FHIT: variants seen among roughly 807,000 people sequenced by gnomAD.
FHIT encodes bis(5'-adenosyl)-triphosphatase.
FHIT carries 19 observed loss-of-function variants against 17.9 expected under a neutral mutation model. The observed-to-expected ratio is 1.06, with a 90% confidence interval of 0.74 to 1.56. The LOEUF is 1.56. FHIT is among the 40% of genes most tolerant of loss of function. The probability of loss-of-function intolerance (pLI) is 0.00; values close to 1 mark genes in which losing one functional copy is unlikely to be tolerated. For synonymous variants in FHIT, 81 were observed against 69.7 expected (o/e 1.16, Z -0.81); for missense variants, 248 against 189.2 (o/e 1.31, Z -1.82).
intron 5 of FHIT, among the ~76,000 whole-genome samples, chr3:60,511,374 G>A (rs749289683): frequency 3.3e-5 from 5 of 152,090 alleles, no homozygotes; most frequent in East Asian, 3.9e-4. Context: ...GACAAACATC[G>A]CTTTATGTGT....
chr3:59,834,552 G>T (rs1206980513), intron 8 of FHIT, among the ~76,000 whole-genome samples: 2 of 152,122 alleles, frequency 1.3e-5, no homozygotes, highest in African/African-American at 4.8e-5. Context: ...TGCTAGTATG[G>T]TCAGTTCCTG....
At chr3:59,802,465 C>A (rs1363594155) in intron 8 of FHIT, among the ~76,000 whole-genome samples, 1 of 152,170 alleles carries the variant, frequency 6.6e-6, no homozygotes, top group African/African-American at 2.4e-5. Flanking sequence ...CCTGTTCCTG[C>A]CTTAACTGAT....
chr3:60,279,137 C>G (rs1707306848), intron 5 of FHIT, among the ~76,000 whole-genome samples: 1 of 152,008 alleles, frequency 6.6e-6, no homozygotes, highest in East Asian at 1.9e-4. Flanking sequence ...TGCTAAACCT[C>G]TAGTCAGGCT....
At chr3:60,794,605 TAA>T (rs1330386387) in intron 4 of FHIT, among the ~76,000 whole-genome samples, 1 of 152,220 alleles carries the variant, frequency 6.6e-6, no homozygotes, top group Non-Finnish European at 1.5e-5. Context: ...GGATAGTAGT[TAA>T]GAGTATATTA....
chr3:60,041,060 T>C (rs1701418211), intron 5 of FHIT, among the ~76,000 whole-genome samples: 1 of 151,840 alleles, frequency 6.6e-6, no homozygotes, highest in Non-Finnish European at 1.5e-5. Flanking sequence ...CTTTTCTCAA[T>C]AAAAAAAAGC....
chr3:61,007,139 G>C (rs1238599964), intron 3 of FHIT, among the ~76,000 whole-genome samples: 1 of 152,156 alleles, frequency 6.6e-6, no homozygotes, highest in African/African-American at 2.4e-5. Flanking sequence ...AAATGTTGTT[G>C]TTTTGTATTT....
chr3:59,942,693 G>T (rs1474066290), intron 7 of FHIT, among the ~76,000 whole-genome samples: 3 of 152,078 alleles, frequency 2.0e-5, no homozygotes, highest in Non-Finnish European at 4.4e-5. Context: ...CTGTTGCCCA[G>T]GCTGGAGTGC....
chr3:61,244,796 A>G (rs2040451245), intron 1 of FHIT, among the ~76,000 whole-genome samples: 1 of 152,188 alleles, frequency 6.6e-6, no homozygotes. Context: ...TCATACTTCT[A>G]CACAACTATG....
intron 5 of FHIT, among the ~76,000 whole-genome samples, chr3:60,185,785 T>C (rs1702134130): frequency 6.6e-6 from 1 of 152,160 alleles, no homozygotes; most frequent in South Asian, 2.1e-4. Flanking sequence ...ATTAATGGTA[T>C]TGTCAGTTTT....
intron 4 of FHIT, among the ~76,000 whole-genome samples, chr3:60,773,762 C>A (rs988467714): frequency 2.0e-4 from 31 of 152,360 alleles, no homozygotes; most frequent in African/African-American, 6.3e-4. Context: ...ATTACAGTTT[C>A]CCAGACTATA....
intron 5 of FHIT, among the ~76,000 whole-genome samples, chr3:60,124,041 G>GAGAGAGACAGAGAGAGAGAGAGAC (rs1553691004): frequency 1.7e-4 from 8 of 47,670 alleles, no homozygotes; most frequent in East Asian, 3.7e-4. Flanking sequence ...GAGAGAGAGA[G>GAGAGAGACAGAGAGAGAGAGAGAC]AGAGAGAGAG....
chr3:60,285,345 T>C (rs1222839093), intron 5 of FHIT, among the ~76,000 whole-genome samples: 1 of 152,164 alleles, frequency 6.6e-6, no homozygotes, highest in Admixed American at 6.6e-5. Context: ...AAAATAGGTT[T>C]ATGCCCCATG....
At chr3:59,872,715 AC>A (rs1306850180) in intron 8 of FHIT, among the ~76,000 whole-genome samples, 3 of 152,166 alleles carry the variant, frequency 2.0e-5, no homozygotes, top group African/African-American at 7.2e-5. Context: ...TCAGCAGATA[AC>A]CCTTTATCCT....
intron 3 of FHIT, chr3:60,856,496 T>G (rs552063690): frequency 2.0e-5 from 3 of 152,178 alleles, no homozygotes. Flanking sequence ...ACGAGCTTCG[T>G]GCTCGGGAGA....
rs568137555 is a variant in FHIT, at chr3:60,073,042, T to C, written c.104-58890A>G. Among the ~76,000 whole-genome samples, 42 of 152,278 alleles carry C rather than the reference T, an allele frequency of 2.8e-4. 1 individual carries two copies. The South Asian group carries it at 7.5e-3, about 27-fold the overall frequency. On this transcript the variant is annotated intron_variant, in intron 5 of 9. Coordinates refer to ENST00000492590, the MANE Select transcript of FHIT (RefSeq NM_002012.4). Reference sequence around the variant, plus strand: ...TGGAAGAAAACCCCAACTCCTATCATCCAAGTTTGAAACTAGGTCTTCTTT... The same window carrying C: ...TGGAAGAAAACCCCAACTCCTATCACCCAAGTTTGAAACTAGGTCTTCTTT...
intron 5 of FHIT, among the ~76,000 whole-genome samples, chr3:60,170,107 C>A (rs1046915673): frequency 1.3e-5 from 2 of 152,070 alleles, no homozygotes; most frequent in Non-Finnish European, 2.9e-5. Context: ...CTGAATAATC[C>A]ATTCCCTGAC....
At chr3:59,877,135 AT>A (rs1703199906) in intron 8 of FHIT, among the ~76,000 whole-genome samples, 1 of 152,204 alleles carries the variant, frequency 6.6e-6, no homozygotes, top group Admixed American at 6.5e-5. Flanking sequence ...AAGATGTTAT[AT>A]TCTTGAGTAT....
intron 6 of FHIT, among the ~76,000 whole-genome samples, chr3:60,012,086 G>A (rs920139430): frequency 5.3e-5 from 8 of 151,924 alleles, no homozygotes; most frequent in African/African-American, 1.9e-4. Context: ...CTTTAGCCAG[G>A]TTTGTCTACC....
intron 8 of FHIT, among the ~76,000 whole-genome samples, chr3:59,910,266 G>T (rs990404030): frequency 1.1e-4 from 17 of 152,316 alleles, no homozygotes; most frequent in African/African-American, 3.8e-4. Flanking sequence ...AGCTTCCAGG[G>T]CATAGGTAGA....
Sources: allele counts gnomAD v4.1 joint callset (sites outside exome capture counted in the v4.1 genomes callset), GRCh38; gene constraint gnomAD v4.1.1; transcripts MANE v1.5; gene names NCBI Gene and HGNC (gene_info 2026-07-23, HGNC 2026-07-21).